The following GNB1L variants were observed in gnomAD, a reference collection of about 807,000 sequenced individuals.
The protein encoded by GNB1L is guanine nucleotide-binding protein subunit beta-like protein 1.
Under a neutral mutation model 29.1 loss-of-function variants are expected in GNB1L, and 20 were observed. The ratio of observed to expected loss-of-function variants is 0.69; its 90% CI spans 0.48 to 1.00. The LOEUF (loss-of-function observed/expected upper bound fraction) is 1.00. Among genes scored for constraint, GNB1L ranks in the 50% least tolerant of loss-of-function variants. The pLI, the probability that GNB1L is intolerant of heterozygous loss-of-function variation, is 0.00. For missense variants in GNB1L, 421 were observed against 464.9 expected, an observed-to-expected ratio of 0.91 and a Z score of 0.87; for synonymous variants, 193 against 206.5, an observed-to-expected ratio of 0.93 and a Z score of 0.56.
chr22:19,792,476 C>A, intron 7 of GNB1L: 16 of 1,580,494 alleles, frequency 1.0e-5, no homozygotes, highest in Non-Finnish European at 1.3e-5. Context: ...CCCGCTATAT[C>A]AGGTTGCAGC....
rs573657437 is a variant in GNB1L at position 19,844,690 on chromosome 22, C to T, written c.-21+9753G>A. ...CTGGGGATGTCCGTCGCCCCAGGAGCGGGTCCCAGGAGCCTGGCAAGATGG... is the reference window on the plus strand; with the variant it reads ...CTGGGGATGTCCGTCGCCCCAGGAGTGGGTCCCAGGAGCCTGGCAAGATGG... On this transcript the variant is annotated intron_variant, in intron 2 of 7. Coordinates refer to ENST00000329517, the MANE Select transcript of GNB1L (RefSeq NM_053004.3). Among the ~76,000 whole-genome samples the T allele has an allele frequency of 2.5e-4, 38 of 152,252 alleles. 1 individual carries two copies. The highest frequency in any genetic ancestry group is 8.3e-4 in the South Asian group (4 of 4,806).
Position 19,802,272 on chromosome 22 carries a change from T to C in GNB1L, c.517-56A>G, listed in dbSNP as rs561494727. On this transcript the variant is annotated intron_variant, in intron 6 of 7. Transcript: ENST00000329517. ...GGAAGGACCCTGACTCCAGTGAGTT[T>C]CGGGGGAGAAGGGGCTCTGGAAATT... The C allele has an allele frequency of 6.9e-6, 10 of 1,443,886 alleles. No individual in the cohort carries two copies. The East Asian group carries it at 2.3e-4, about 33-fold the overall frequency. 89.4% of individuals were successfully genotyped at this position (1,443,886 alleles called of 1,614,324 possible). A position where few individuals can be genotyped will look rare whatever the true frequency, so the allele number is the denominator to read the frequency against.
In GNB1L at chr22:19,816,087, G is replaced by A. The variant is rs1249701970; in HGVS notation, c.255-3640C>T. Among the ~76,000 whole-genome samples, 1 of 152,180 alleles carries A rather than the reference G, an allele frequency of 6.6e-6. No individual in the cohort carries two copies. Among genetic ancestry groups the A allele is most frequent in the African/African-American group, 2.4e-5 (1 of 41,450 alleles). On this transcript the variant is annotated intron_variant, in intron 4 of 7. Coordinates refer to ENST00000329517, the MANE Select transcript of GNB1L (RefSeq NM_053004.3). The surrounding 1 kb of genome is among the most constrained non-coding windows in gnomAD (Gnocchi z 4.4). The stretch of plus-strand genomic sequence containing the variant: ...GCCCACAGCCATCCTGGGGCGTCGT[G>A]GCCTGTGTGGGGCCTCGCGGGGCCC...
intron 2 of GNB1L, chr22:19,851,438 C>T: frequency 6.2e-7 from 1 of 1,614,054 alleles, no homozygotes; most frequent in African/African-American, 1.3e-5. Flanking sequence ...ACATGTAGAA[C>T]TGGGCAGGAC....
intron 4 of GNB1L, among the ~76,000 whole-genome samples, chr22:19,814,138 G>C (rs888945161): frequency 3.3e-5 from 5 of 152,154 alleles, no homozygotes; most frequent in Non-Finnish European, 5.9e-5. Flanking sequence ...GAGTGAATGT[G>C]TATTATGTAT....
chr22:19,797,289 C>G (rs1420270139), intron 7 of GNB1L, among the ~76,000 whole-genome samples: 1 of 138,044 alleles, frequency 7.2e-6, no homozygotes, highest in Non-Finnish European at 1.6e-5. Flanking sequence ...GTCTGTGGCC[C>G]TGGGCAGTTC....
chr22:19,854,501 G>A lies in GNB1L; in HGVS notation c.-79C>T, dbSNP rs1323466862. ...CTGGGATCCGTAGCCACAGACCGTG[G>A]GACGGGCCTCCCTCTGAGGGCGAGA... On this transcript the variant is annotated 5_prime_UTR_variant, in exon 2 of 8. Coordinates refer to ENST00000329517, the MANE Select transcript of GNB1L (RefSeq NM_053004.3). 1 of 152,670 alleles carries A rather than the reference G, an allele frequency of 6.6e-6. No homozygotes were observed. The highest frequency in any genetic ancestry group is 1.9e-4 in the East Asian group (1 of 5,196). 9.5% of individuals were successfully genotyped at this position (152,670 alleles called of 1,614,324 possible).
At position 19,788,778 on chromosome 22, in the gene GNB1L, G is replaced by A. The variant is rs764302640; in HGVS notation, c.915C>T (p.Ala305=). The change falls in exon 8 of 8, where the codon GCC becomes GCT. Residue 305 remains alanine (A), a synonymous_variant. Transcript: ENST00000329517. ...TGGAGCCCGCGGCCAGCAAGCCATC[G>A]GCGGTGAAGGCCACGCACTGGACAG... ...SAAVQCVAFT[A]DGLLAAGSKD... is the part of the protein sequence containing the mutation. 2.4e-5 allele frequency: 38 copies of A among 1,612,074 alleles called. No individual in the cohort carries two copies. The highest frequency in any genetic ancestry group is 5.3e-5 in the African/African-American group (4 of 74,938).
Position 19,802,133 on chromosome 22 carries a change from C to G in GNB1L, c.600G>C (p.Val200=). 3 of 1,613,280 alleles carry G rather than the reference C, an allele frequency of 1.9e-6. No individual in the cohort carries two copies. The highest frequency in any genetic ancestry group is 2.5e-6 in the Non-Finnish European group (3 of 1,179,962). ...CCTCATGGCAGGCGATGCGGCTGCA[C>G]ACCTTCTGCTCAGAGACGTCCCACA... The part of the protein sequence containing the change: ...VVLWDVSEQK[V]CSRIACHEEP... The change falls in exon 7 of 8, where the codon GTG becomes GTC. Residue 200 remains valine, a synonymous_variant. Transcript: ENST00000329517.
At chr22:19,827,262 A>G (rs1937626810) in intron 2 of GNB1L, among the ~76,000 whole-genome samples, 1 of 152,114 alleles carries the variant, frequency 6.6e-6, no homozygotes, top group South Asian at 2.1e-4. Context: ...CAAATGTTTC[A>G]AAAAAAATTC....
At chr22:19,815,742 C>G (rs1937521452) in intron 4 of GNB1L, among the ~76,000 whole-genome samples, 1 of 152,074 alleles carries the variant, frequency 6.6e-6, no homozygotes. Context: ...CCACCACACC[C>G]AGCTAATTTT....
intron 5 of GNB1L, among the ~76,000 whole-genome samples, chr22:19,810,044 A>G (rs1937481056): frequency 6.6e-6 from 1 of 152,056 alleles, no homozygotes; most frequent in Non-Finnish European, 1.5e-5. Context: ...ATGATTTCCT[A>G]CTTTTTGCAC....
At chr22:19,842,520 G>A (rs1344100862) in intron 2 of GNB1L, among the ~76,000 whole-genome samples, 1 of 152,228 alleles carries the variant, frequency 6.6e-6, no homozygotes, top group African/African-American at 2.4e-5. Flanking sequence ...GCAGCCTGGT[G>A]AGTAATGCCC....
chr22:19,812,870 T>C (rs974390957), intron 4 of GNB1L, among the ~76,000 whole-genome samples: 5 of 152,216 alleles, frequency 3.3e-5, no homozygotes, highest in African/African-American at 1.2e-4. Context: ...TTTGGGGTAG[T>C]GCTCATGACT....
intron 7 of GNB1L, among the ~76,000 whole-genome samples, chr22:19,800,324 G>A (rs1601323062): frequency 1.3e-5 from 2 of 152,208 alleles, no homozygotes; most frequent in East Asian, 3.8e-4. Context: ...GGAAACTGCA[G>A]AGAAGAGCCC....
intron 5 of GNB1L, among the ~76,000 whole-genome samples, chr22:19,811,254 G>A (rs2145874723): frequency 6.6e-6 from 1 of 152,300 alleles, no homozygotes; most frequent in Middle Eastern, 3.4e-3. Context: ...CCTTGGGCAG[G>A]GGCCAAGCCC....
chr22:19,848,623 C>A, intron 2 of GNB1L: 1 of 985,496 alleles, frequency 1.0e-6, no homozygotes, highest in Non-Finnish European at 1.2e-6. Context: ...ATAAACAGGA[C>A]GCGTTTTAAT....
chr22:19,852,249 G>A (rs1376094681), intron 2 of GNB1L: 29 of 1,605,096 alleles, frequency 1.8e-5, no homozygotes, highest in African/African-American at 9.4e-5. Flanking sequence ...TGACGGCACC[G>A]GCCACGAGGC....
chr22:19,800,948 G>C (rs1192823367), intron 7 of GNB1L, among the ~76,000 whole-genome samples: 1 of 152,238 alleles, frequency 6.6e-6, no homozygotes, highest in Non-Finnish European at 1.5e-5. Flanking sequence ...GGCCAGGGCT[G>C]GGCAAGCGTG....
Sources: allele counts gnomAD v4.1 joint callset (sites outside exome capture counted in the v4.1 genomes callset), GRCh38; gene constraint gnomAD v4.1.1; non-coding constraint Gnocchi (gnomAD v3.1); transcripts MANE v1.5; gene names NCBI Gene and HGNC (gene_info 2026-07-23, HGNC 2026-07-21).